Variants in ADGRL2 observed in about 807,000 individuals in gnomAD.
ADGRL2 encodes calcium-independent alpha-latrotoxin receptor 2.
Under a neutral mutation model 157.4 loss-of-function variants are expected in ADGRL2, and 44 were observed. The ratio of observed to expected loss-of-function variants is 0.28; its 90% confidence interval spans 0.22 to 0.36. The LOEUF (loss-of-function observed/expected upper bound fraction) is 0.36. Among genes scored for constraint, ADGRL2 ranks in the 10% least tolerant of loss-of-function variants. The probability of loss-of-function intolerance (pLI) is 1.00; values close to 1 mark genes in which losing one functional copy is unlikely to be tolerated. For synonymous variants in ADGRL2, 585 were observed against 624.7 expected, an observed-to-expected ratio of 0.94 and a Z score of 0.95; for missense variants, 1,510 against 1,768.9, an observed-to-expected ratio of 0.85 and a Z score of 2.63.
intron 8 of ADGRL2, 126 bp downstream of exon 8, chr1:81,951,247 A>G (rs1048810724): frequency 3.3e-6 from 2 of 598,776 alleles, no homozygotes; most frequent in Admixed American, 6.2e-5. Context: ...GTAAAAAAAA[A>G]TTACGCATAG....
chr1:81,490,393 AAG>A (rs1383706095), intron 2 of ADGRL2, among the ~76,000 whole-genome samples: 7 of 152,132 alleles, frequency 4.6e-5, no homozygotes, highest in African/African-American at 1.4e-4. Context: ...TGGCCTCCCA[AAG>A]TGCTGGGATT....
chr1:81,688,832 G>A (rs2083279398), intron 3 of ADGRL2, among the ~76,000 whole-genome samples: 1 of 152,172 alleles, frequency 6.6e-6, no homozygotes. Flanking sequence ...GCTGAAGGCT[G>A]TTGTTCAGAT....
At position 81,426,939 on chromosome 1, in the gene ADGRL2, G is replaced by A. The variant is rs2077227975; in HGVS notation, c.-301-18097G>A. 8 of 714,640 alleles carry A rather than the reference G, an allele frequency of 1.1e-5. No homozygotes were observed. In the East Asian group the frequency reaches 2.1e-4, roughly 19 times the overall value. The allele number at this position is 714,640 out of a possible 1,614,324, so 44.3% of individuals were successfully genotyped here. A position where few individuals can be genotyped will look rare whatever the true frequency, so the allele number is the denominator to read the frequency against. On this transcript the variant is annotated intron_variant, in intron 1 of 24. Transcript: ENST00000370721. ...ATGGAAGTTATGGAAGACAGACAGA[G>A]TGAAAAAAAGGAAGGATTTGCTTTT...
At chr1:81,744,240 A>G (rs2085169151) in intron 1 of ADGRL2, among the ~76,000 whole-genome samples, 1 of 152,176 alleles carries the variant, frequency 6.6e-6, no homozygotes, top group South Asian at 2.1e-4. Flanking sequence ...ATCCATTAAA[A>G]TATTGAGCAT....
chr1:81,691,467 T>A (rs1570848228), intron 3 of ADGRL2, among the ~76,000 whole-genome samples: 1 of 152,238 alleles, frequency 6.6e-6, no homozygotes, highest in East Asian at 1.9e-4. Context: ...TATACCAATA[T>A]ACTTGGGTAA....
chr1:81,676,898 C>A (rs1396681007), intron 3 of ADGRL2, among the ~76,000 whole-genome samples: 1 of 150,294 alleles, frequency 6.7e-6, no homozygotes, highest in African/African-American at 2.5e-5. Flanking sequence ...ATTGTGTTAG[C>A]CAGGATGTTC....
In ADGRL2 at chr1:81,668,055, C is replaced by T. The variant is rs1020561927; in HGVS notation, c.-143+87075C>T. Among the ~76,000 whole-genome samples the T allele has an allele frequency of 2.0e-3, 303 of 152,238 alleles. 1 individual carries two copies. Among genetic ancestry groups the T allele is most frequent in the African/African-American group, 6.8e-3 (284 of 41,550 alleles). On this transcript the variant is annotated intron_variant, in intron 3 of 24. Coordinates refer to the ADGRL2 transcript ENST00000370721. ...CTTTAAAAATCAAAGCTAAATGCTT[C>T]TAATAATATTTAGTGAGAAACTGTA...
chr1:81,427,782 C>T (rs923528594), intron 1 of ADGRL2, among the ~76,000 whole-genome samples: 1 of 152,098 alleles, frequency 6.6e-6, no homozygotes, highest in African/African-American at 2.4e-5. Flanking sequence ...AAACAGGAAA[C>T]CTTCTTGTTC....
At chr1:81,513,730 A>AT (rs1557748833) in intron 2 of ADGRL2, 1 of 152,150 alleles carries the variant, frequency 6.6e-6, no homozygotes, top group Non-Finnish European at 1.5e-5. Context: ...TTCTAAACCA[A>AT]TTGGTTCTAA....
intron 2 of ADGRL2, chr1:81,502,784 C>G (rs1219972302): frequency 6.2e-7 from 1 of 1,613,068 alleles, no homozygotes; most frequent in Admixed American, 1.7e-5. Flanking sequence ...AGCTACAGCT[C>G]CTCCCTCTTT....
At chr1:81,447,963 C>T (rs769701750) in intron 2 of ADGRL2, among the ~76,000 whole-genome samples, 7 of 151,786 alleles carry the variant, frequency 4.6e-5, no homozygotes, top group Non-Finnish European at 8.8e-5. Flanking sequence ...GTCTGTAGCA[C>T]CTCCCCTGTC....
intron 3 of ADGRL2, among the ~76,000 whole-genome samples, chr1:81,632,164 C>T (rs1264267003): frequency 6.6e-6 from 1 of 151,948 alleles, no homozygotes; most frequent in East Asian, 1.9e-4. Flanking sequence ...AAAGTAAAGC[C>T]CCTAGCCTAT....
chr1:81,561,394 G>A lies in ADGRL2; in HGVS notation c.-247-19482G>A, dbSNP rs142373814. On this transcript the variant is annotated intron_variant, in intron 2 of 24. Coordinates refer to the ADGRL2 transcript ENST00000370721. Reference sequence around the variant, plus strand: ...TCTTTTTTATATATTATTTTCTCTCGCTATAATTTTTTTCTTTCAATTTTT... The same window carrying A: ...TCTTTTTTATATATTATTTTCTCTCACTATAATTTTTTTCTTTCAATTTTT... Among the ~76,000 whole-genome samples the A allele has an allele frequency of 9.1e-3, 1,354 of 149,392 alleles. 11 individuals carry two copies. The highest frequency in any genetic ancestry group is 0.015 in the Non-Finnish European group (1,019 of 67,406).
At chr1:81,593,001 A>G (rs1233972495) in intron 3 of ADGRL2, among the ~76,000 whole-genome samples, 1 of 152,170 alleles carries the variant, frequency 6.6e-6, no homozygotes, top group Non-Finnish European at 1.5e-5. Context: ...TTTATGACCT[A>G]GAAGCATTTT....
intron 2 of ADGRL2, among the ~76,000 whole-genome samples, chr1:81,776,197 T>TG: frequency 6.6e-6 from 1 of 151,942 alleles, no homozygotes; most frequent in South Asian, 2.1e-4. Context: ...AAGCATTTTT[T>TG]TTTTTTTTTG....
intron 2 of ADGRL2, among the ~76,000 whole-genome samples, chr1:81,858,130 C>A (rs188439304): frequency 6.6e-6 from 1 of 152,220 alleles, no homozygotes; most frequent in East Asian, 1.9e-4. Flanking sequence ...TAATCTCTAA[C>A]ACTCTGAGGT....
At chr1:81,887,329 T>C (rs2151341104) in intron 2 of ADGRL2, among the ~76,000 whole-genome samples, 1 of 152,312 alleles carries the variant, frequency 6.6e-6, no homozygotes, top group Middle Eastern at 3.4e-3. Flanking sequence ...CTATCCTTGG[T>C]TCCAATTTTT....
At chr1:81,955,245 A>C (rs1364225335) in intron 10 of ADGRL2, among the ~76,000 whole-genome samples, 1 of 152,150 alleles carries the variant, frequency 6.6e-6, no homozygotes, top group Non-Finnish European at 1.5e-5. Context: ...ATTGTTGATG[A>C]ATTAAAGTAT....
intron 1 of ADGRL2, among the ~76,000 whole-genome samples, chr1:81,423,888 A>G (rs532251668): frequency 2.0e-5 from 3 of 152,338 alleles, no homozygotes; most frequent in South Asian, 4.1e-4. Flanking sequence ...GAGATTTACA[A>G]AAAAATGAAA....
Sources: allele counts gnomAD v4.1 joint callset (sites outside exome capture counted in the v4.1 genomes callset), GRCh38; gene constraint gnomAD v4.1.1; transcripts MANE v1.5; gene names NCBI Gene and HGNC (gene_info 2026-07-23, HGNC 2026-07-21).